The following FAM13B variants were observed in gnomAD, a reference collection of about 807,000 sequenced individuals.
The protein encoded by FAM13B is family with sequence similarity 13 member B.
Under a neutral mutation model 117.3 loss-of-function variants are expected in FAM13B, and 60 were observed. The ratio of observed to expected loss-of-function variants is 0.51; its 90% confidence interval spans 0.42 to 0.63. FAM13B has a LOEUF of 0.63. Among genes scored for constraint, FAM13B ranks in the 30% least tolerant of loss-of-function variants. The pLI, the probability that FAM13B is intolerant of heterozygous loss-of-function variation, is 0.00. For synonymous variants in FAM13B, 332 were observed against 356.1 expected, an observed-to-expected ratio of 0.93 and a Z score of 0.76; for missense variants, 972 against 1,091.9, an observed-to-expected ratio of 0.89 and a Z score of 1.55.
chr5:137,995,695 A>C (rs2150705654), intron 7 of FAM13B, among the ~76,000 whole-genome samples: 1 of 152,326 alleles, frequency 6.6e-6, no homozygotes, highest in South Asian at 2.1e-4. Context: ...TATACCTATG[A>C]CAAGAGTATA....
rs763542578 is a variant in FAM13B, at chr5:138,011,927, T to C, written c.389A>G (p.Glu130Gly). ...QLSQDYNNED[E>G]FGRKLRFLLQ... The stretch of plus-strand genomic sequence containing the variant: ...GAGGAACCTCAACTTTCTTCCAAAT[T>C]CATCTTCATTATTATAATCTATAAA... The change falls in exon 5 of 24, where the codon GAA (glutamate) becomes GGA (glycine). Residue 130 changes from glutamate to glycine, a missense_variant. Glu to Gly is a moderately conservative substitution (Grantham distance 98). Coordinates refer to ENST00000689681, the MANE Select transcript of FAM13B (RefSeq NM_001385994.1). The C allele has an allele frequency of 1.3e-6, 2 of 1,585,678 alleles. No individual in the cohort carries two copies. Among genetic ancestry groups the C allele is most frequent in the Admixed American group, 3.9e-5 (2 of 51,822 alleles).
rs1767757897 is a variant in FAM13B, at chr5:137,960,148, C to CA, written c.1293+17dup. On this transcript the variant is annotated intron_variant, in intron 12 of 23. Coordinates refer to ENST00000689681, the MANE Select transcript of FAM13B (RefSeq NM_001385994.1). Reference sequence around the variant, plus strand: ...CTAGGCAAGTTTTTAAAGACTAAGACAAAAAAATAGTTCTTACCAGAATCA... The same window carrying CA: ...CTAGGCAAGTTTTTAAAGACTAAGACAAAAAAAATAGTTCTTACCAGAATCA... The CA allele has an allele frequency of 7.4e-6, 11 of 1,480,546 alleles. No homozygotes were observed. Among genetic ancestry groups the CA allele is most frequent in the Non-Finnish European group, 1.0e-5 (11 of 1,077,068 alleles). 91.7% of individuals were successfully genotyped at this position (1,480,546 alleles called of 1,614,324 possible).
intron 15 of FAM13B, 37 bp from the exon 16 acceptor site, chr5:137,953,502 C>T: frequency 6.2e-7 from 1 of 1,605,972 alleles, no homozygotes; most frequent in Non-Finnish European, 8.5e-7. Context: ...GTTAAATTTT[C>T]AAGTACCAAC....
intron 7 of FAM13B, among the ~76,000 whole-genome samples, chr5:138,003,407 T>C (rs1360423406): frequency 1.3e-5 from 2 of 152,164 alleles, no homozygotes; most frequent in Non-Finnish European, 2.9e-5. Flanking sequence ...AATGAAGCAA[T>C]AGATACCACC....
Position 137,942,027 on chromosome 5 carries a change from T to C in FAM13B, c.2607A>G (p.Gln869=). 1 of 1,613,942 alleles carries C rather than the reference T, an allele frequency of 6.2e-7. No homozygotes were observed. The highest frequency in any genetic ancestry group is 8.5e-7 in the Non-Finnish European group (1 of 1,179,962). Reference sequence around the variant, plus strand: ...TTTTTTCAGCTCTGGCTTTCCAAAGTTGTTCCAATAATTCAGGCCTAGAAT... The same window carrying C: ...TTTTTTCAGCTCTGGCTTTCCAAAGCTGTTCCAATAATTCAGGCCTAGAAT... The part of the protein sequence containing the change: ...RAASMPELLE[Q]LWKARAEKKK... Residue 869 remains glutamine (Q), a synonymous_variant, in exon 23 of 24, where the codon CAA becomes CAG. Coordinates refer to ENST00000689681, the MANE Select transcript of FAM13B (RefSeq NM_001385994.1).
chr5:137,961,183 T>C (rs1768007166), intron 11 of FAM13B, among the ~76,000 whole-genome samples: 1 of 152,130 alleles, frequency 6.6e-6, no homozygotes, highest in African/African-American at 2.4e-5. Context: ...AAAGACCTAA[T>C]CACCTACATT....
In FAM13B at chr5:138,024,359, T is replaced by C. The variant is rs138752875; in HGVS notation, c.-202-3162A>G. Among the ~76,000 whole-genome samples the C allele has an allele frequency of 3.6e-3, 547 of 152,116 alleles. 4 individuals carry two copies. The highest frequency in any genetic ancestry group is 0.013 in the African/African-American group (525 of 41,492). On this transcript the variant is annotated intron_variant, in intron 1 of 23. Coordinates refer to ENST00000689681, the MANE Select transcript of FAM13B (RefSeq NM_001385994.1). ...TGAAGACAGGGAGAAACTGGAGTTA[T>C]GCTGCCAGAAGCCAAGAAATGCCAG...
At chr5:137,945,410 T>A (rs923462612) in intron 20 of FAM13B, among the ~76,000 whole-genome samples, 2 of 152,204 alleles carry the variant, frequency 1.3e-5, no homozygotes, top group Non-Finnish European at 2.9e-5. Context: ...TTAAGTGACT[T>A]CTTCTCATTA....
chr5:138,027,527 T>C (rs1438443678), intron 1 of FAM13B, among the ~76,000 whole-genome samples: 1 of 152,222 alleles, frequency 6.6e-6, no homozygotes, highest in Non-Finnish European at 1.5e-5. Flanking sequence ...ACCTCTTTCA[T>C]TCTAACTGAA....
At chr5:137,956,748 A>G (rs35674167) in intron 13 of FAM13B, among the ~76,000 whole-genome samples, 6,681 of 141,084 alleles carry the variant, frequency 0.047, 229 homozygotes, top group South Asian at 0.089. Context: ...TCAGCAAGCA[A>G]TGCAAAAAAG....
chr5:138,033,103 G>T, upstream of FAM13B: 1 of 908,694 alleles, frequency 1.1e-6, no homozygotes, highest in Non-Finnish European at 1.3e-6. Context: ...CGGGCCGGAC[G>T]TGACGTGCGT....
chr5:138,044,331 C>A (rs1791582356), intron 1 of FAM13B, among the ~76,000 whole-genome samples: 1 of 152,098 alleles, frequency 6.6e-6, no homozygotes, highest in South Asian at 2.1e-4. Context: ...GTGAGCGGAT[C>A]ACCTGAGGTC....
chr5:138,003,161 A>G (rs568113102), intron 7 of FAM13B, among the ~76,000 whole-genome samples: 102 of 152,304 alleles, frequency 6.7e-4, no homozygotes, highest in African/African-American at 2.4e-3. Context: ...TAAGTTGCCA[A>G]ATGAATGTAA....
intron 6 of FAM13B, among the ~76,000 whole-genome samples, chr5:138,009,489 A>C (rs1243912351): frequency 1.4e-5 from 2 of 140,660 alleles, no homozygotes; most frequent in Non-Finnish European, 3.2e-5. Context: ...AACACTGGCC[A>C]AAAAAAAAAA....
intron 6 of FAM13B, among the ~76,000 whole-genome samples, chr5:138,007,677 A>G (rs112211615): frequency 1.3e-5 from 2 of 150,704 alleles, no homozygotes; most frequent in African/African-American, 4.9e-5. Flanking sequence ...GAATCCTATA[A>G]CAAGGAAGAA....
chr5:138,040,776 A>C (rs1791476404), intron 1 of FAM13B, among the ~76,000 whole-genome samples: 1 of 151,836 alleles, frequency 6.6e-6, no homozygotes. Flanking sequence ...GCAAGAAAAG[A>C]CATTAGGCCG....
At chr5:138,027,695 C>T (rs1274578050) in intron 1 of FAM13B, among the ~76,000 whole-genome samples, 3 of 152,202 alleles carry the variant, frequency 2.0e-5, no homozygotes, top group Non-Finnish European at 4.4e-5. Context: ...TTCATAGACG[C>T]TACTTTGATC....
intron 7 of FAM13B, among the ~76,000 whole-genome samples, chr5:138,004,898 C>T (rs575768608): frequency 6.6e-5 from 10 of 152,198 alleles, no homozygotes; most frequent in African/African-American, 2.4e-4. Flanking sequence ...AATAAATACA[C>T]AGAAGGAGCT....
chr5:137,953,409 T>C lies in FAM13B; in HGVS notation c.1775A>G (p.Tyr592Cys), dbSNP rs765835163. The change falls in exon 16 of 24, where the codon TAT becomes TGT. Residue 592 changes from tyrosine (Y) to cysteine (C), a missense_variant. Tyr to Cys is a radical substitution (Grantham distance 194). Coordinates refer to ENST00000689681, the MANE Select transcript of FAM13B (RefSeq NM_001385994.1). ...KDEKREDRTP[Y>C]QLVKKLQKKI... ...CTTCTGAAGTTTCTTGACCAGCTGA[T>C]AAGGTGTTCTGTCCTCTCTCTTTTC... 1 of 1,613,888 alleles carries C rather than the reference T, an allele frequency of 6.2e-7. No homozygotes were observed. Among genetic ancestry groups the C allele is most frequent in the Non-Finnish European group, 8.5e-7 (1 of 1,179,830 alleles).
Sources: gnomAD v4.1 joint callset for allele counts (sites outside exome capture counted in the v4.1 genomes callset) on GRCh38, gnomAD v4.1.1 for gene constraint, MANE v1.5 for transcripts, NCBI Gene and HGNC (gene_info 2026-07-23, HGNC 2026-07-21) for gene names.